Variants in NRXN1 observed in about 807,000 individuals in gnomAD.
NRXN1 encodes neurexin-1.
In NRXN1, 39 loss-of-function variants were observed where a neutral mutation model predicts 150.9. The observed-to-expected ratio is 0.26, with a 90% CI of 0.20 to 0.34. The LOEUF is 0.34. NRXN1 is among the 10% of genes least tolerant of loss of function. NRXN1 has a pLI of 1.00. For missense variants in NRXN1, 1,815 were observed against 1,949.9 expected (o/e 0.93, Z 1.30); for synonymous variants, 924 against 757.0 (o/e 1.22, Z -3.62).
intron 8 of NRXN1, among the ~76,000 whole-genome samples, chr2:50,588,425 G>A (rs747702543): frequency 6.6e-6 from 1 of 152,216 alleles, no homozygotes; most frequent in South Asian, 2.1e-4. Flanking sequence ...GAAGTGTGTA[G>A]AACATATACA....
At chr2:50,702,099 G>A (rs1009532486) in intron 5 of NRXN1, among the ~76,000 whole-genome samples, 6 of 151,922 alleles carry the variant, frequency 3.9e-5, no homozygotes, top group Non-Finnish European at 8.8e-5. Context: ...ACAGGTATTC[G>A]AAGGAAAAAA....
intron 18 of NRXN1, among the ~76,000 whole-genome samples, chr2:50,133,316 G>C (rs899719678): frequency 6.6e-6 from 1 of 152,196 alleles, no homozygotes. Context: ...CTCCAGTGTG[G>C]AGGTTGCTGA....
At chr2:50,744,810 A>G (rs1574322844) in intron 5 of NRXN1, among the ~76,000 whole-genome samples, 1 of 152,202 alleles carries the variant, frequency 6.6e-6, no homozygotes, top group Non-Finnish European at 1.5e-5. Context: ...AAATAAACAC[A>G]TGTTTAGCAC....
At chr2:50,938,123 G>C (rs773858744) in intron 2 of NRXN1, among the ~76,000 whole-genome samples, 8 of 152,060 alleles carry the variant, frequency 5.3e-5, no homozygotes, top group Non-Finnish European at 4.4e-5. Context: ...AATGGAGCTT[G>C]CAGGACTGAA....
chr2:50,801,176 A>T (rs1025212288), intron 5 of NRXN1, among the ~76,000 whole-genome samples: 2 of 152,154 alleles, frequency 1.3e-5, no homozygotes, highest in Non-Finnish European at 2.9e-5. Flanking sequence ...TATTTATGTC[A>T]AAGTTTCTAA....
rs138930186 is a variant in NRXN1 at position 50,540,942 on chromosome 2, G to A, written c.1760-2306C>T. Among the ~76,000 whole-genome samples, 455 of 152,214 alleles carry A rather than the reference G, an allele frequency of 3.0e-3. 5 individuals carry two copies. Among genetic ancestry groups the A allele is most frequent in the Non-Finnish European group, 5.2e-3 (351 of 68,008 alleles). On this transcript the variant is annotated intron_variant, in intron 9 of 22. Coordinates refer to ENST00000401669, the MANE Select transcript of NRXN1 (RefSeq NM_001330078.2). ...CTCCCAAAGTGCTGGGATTACAGGC[G>A]TGAGCCACCACACCCAGCCAAAGTG...
At chr2:50,411,753 CG>C (rs2083197940) in intron 17 of NRXN1, among the ~76,000 whole-genome samples, 1 of 152,068 alleles carries the variant, frequency 6.6e-6, no homozygotes. Context: ...CGCCTCTGCC[CG>C]GCCGCCCCAT....
In NRXN1 at chr2:49,921,340, C is replaced by G. The variant is rs1376882429; in HGVS notation, c.*604G>C. On this transcript the variant is annotated 3_prime_UTR_variant, in exon 23 of 23. Transcript: ENST00000401669. ...AATAAGGCCTCCATACTTTTTTTTC[C>G]TCTCTCACAACCAGAAAGGGGCTTT... is the stretch of plus-strand genomic sequence containing the variant. 5 of 151,950 alleles carry G rather than the reference C, an allele frequency of 3.3e-5. No individual in the cohort carries two copies. Among genetic ancestry groups the G allele is most frequent in the Admixed American group, 3.3e-4 (5 of 15,236 alleles). The allele number at this position is 151,950 out of a possible 1,614,324, so 9.4% of individuals were successfully genotyped here.
At chr2:50,649,492 A>G (rs554422257) in intron 5 of NRXN1, among the ~76,000 whole-genome samples, 2 of 152,128 alleles carry the variant, frequency 1.3e-5, no homozygotes, top group South Asian at 2.1e-4. Flanking sequence ...TAAGGTGAAG[A>G]GAATCAAACT....
At chr2:50,996,148 C>G (rs1019591975) in intron 2 of NRXN1, among the ~76,000 whole-genome samples, 1 of 152,066 alleles carries the variant, frequency 6.6e-6, no homozygotes, top group African/African-American at 2.4e-5. Context: ...ATAAATCAAT[C>G]TCAGAATTTC....
intron 8 of NRXN1, among the ~76,000 whole-genome samples, chr2:50,584,408 C>T (rs1202447273): frequency 6.6e-6 from 1 of 152,142 alleles, no homozygotes; most frequent in Non-Finnish European, 1.5e-5. Context: ...TACTCATCAG[C>T]CCATCTGTCC....
Position 50,315,212 on chromosome 2 carries a change from G to C in NRXN1, c.3365-78242C>G, listed in dbSNP as rs933231304. 5.9e-5 allele frequency among the ~76,000 whole-genome samples: 9 copies of C among 151,948 alleles called. No individual in the cohort carries two copies. In the Middle Eastern group the frequency reaches 0.01, roughly 172 times the overall value. On this transcript the variant is annotated intron_variant, in intron 17 of 22. Coordinates refer to ENST00000401669, the MANE Select transcript of NRXN1 (RefSeq NM_001330078.2). The stretch of plus-strand genomic sequence containing the variant: ...TTTAGTATTTAAGTGCTTAACAATT[G>C]AGGTTCTGGCAACTAAAACTGCACA...
intron 18 of NRXN1, among the ~76,000 whole-genome samples, chr2:50,100,176 G>A (rs1700803477): frequency 6.6e-6 from 1 of 152,112 alleles, no homozygotes; most frequent in South Asian, 2.1e-4. Flanking sequence ...CTTTGCATTA[G>A]GTTGAAGTAT....
At chr2:50,410,496 T>C (rs867586163) in intron 17 of NRXN1, among the ~76,000 whole-genome samples, 2 of 152,208 alleles carry the variant, frequency 1.3e-5, no homozygotes, top group Non-Finnish European at 2.9e-5. Flanking sequence ...TGTTGTATAT[T>C]CTTAACTAAG....
At chr2:50,633,366 A>C (rs1007161587) in intron 5 of NRXN1, among the ~76,000 whole-genome samples, 2 of 152,116 alleles carry the variant, frequency 1.3e-5, no homozygotes, top group Non-Finnish European at 2.9e-5. Context: ...AATTATCTTG[A>C]TATCCCCAGC....
intron 5 of NRXN1, among the ~76,000 whole-genome samples, chr2:50,788,069 T>C (rs1035631622): frequency 7.9e-5 from 12 of 151,784 alleles, no homozygotes. Context: ...TTTTCTATCT[T>C]GCCTGCTTTA....
chr2:50,208,241 T>C (rs2062756923), intron 18 of NRXN1, among the ~76,000 whole-genome samples: 1 of 152,088 alleles, frequency 6.6e-6, no homozygotes, highest in Non-Finnish European at 1.5e-5. Context: ...TGGGCAGACC[T>C]CTTATGTACT....
chr2:50,336,025 G>C (rs75279530), intron 17 of NRXN1, among the ~76,000 whole-genome samples: 1 of 152,002 alleles, frequency 6.6e-6, no homozygotes, highest in African/African-American at 2.4e-5. Context: ...CAGTCCTACA[G>C]AGGCCCTATT....
intron 17 of NRXN1, among the ~76,000 whole-genome samples, chr2:50,283,264 A>G (rs1294201241): frequency 6.6e-6 from 1 of 152,176 alleles, no homozygotes; most frequent in African/African-American, 2.4e-5. Context: ...ATTAGCCTCC[A>G]ACTTTTTAAG....
Sources: gnomAD v4.1 joint callset for allele counts (sites outside exome capture counted in the v4.1 genomes callset) on GRCh38, gnomAD v4.1.1 for gene constraint, MANE v1.5 for transcripts, NCBI Gene and HGNC (gene_info 2026-07-23, HGNC 2026-07-21) for gene names.